The following HIP1R variants were observed in gnomAD, a reference collection of about 807,000 sequenced individuals.
The protein encoded by HIP1R is huntingtin interacting protein 1 related.
HIP1R carries 135 observed loss-of-function variants against 144.2 expected under a neutral mutation model. The ratio of observed to expected loss-of-function variants is 0.94; its 90% CI spans 0.81 to 1.08. HIP1R has a LOEUF of 1.08. Ranked by LOEUF, HIP1R falls within the 50% of genes least tolerant of loss-of-function variation. HIP1R has a pLI of 0.00. For synonymous variants in HIP1R, 698 were observed against 612.8 expected (o/e 1.14, Z -2.05); for missense variants, 1,462 against 1,432.8 (o/e 1.02, Z -0.33).
At chr12:122,854,738 C>T (rs762482385) in intron 8 of HIP1R, among the ~76,000 whole-genome samples, 167 bp from the exon 9 acceptor site, 2 of 152,142 alleles carry the variant, frequency 1.3e-5, no homozygotes, top group Non-Finnish European at 2.9e-5. Flanking sequence ...CTGAGCCCTC[C>T]CACAGCGTCT....
chr12:122,861,189 C>G lies in HIP1R; in HGVS notation c.2949C>G (p.Thr983=), dbSNP rs10847910. 0.94 allele frequency: 1,510,784 copies of G among 1,612,574 alleles called. 709,395 individuals are homozygous for G. The highest frequency in any genetic ancestry group is 0.99 in the East Asian group (44,358 of 44,710). ...AGCTGAAGAAGCAGGAGATGGAGAC[C>G]CAGGTAGGCGCCCATGGCTGCCCCG... The part of the protein sequence containing the change: ...LIKLKKQEME[T]QVRVLELEKT... Residue 983 remains threonine, a synonymous_variant, in exon 30 of 32, where the codon ACC becomes ACG. Coordinates refer to ENST00000253083, the MANE Select transcript of HIP1R (RefSeq NM_003959.3).
intron 18 of HIP1R, chr12:122,857,540 G>A: frequency 2.1e-6 from 1 of 479,288 alleles, no homozygotes; most frequent in Non-Finnish European, 3.8e-6. Context: ...GTGGGCCTTT[G>A]AGCACAAGTT....
At chr12:122,854,329 A>G in intron 8 of HIP1R, 146 bp downstream of exon 8, 1 of 438,842 alleles carries the variant, frequency 2.3e-6, no homozygotes, top group Non-Finnish European at 3.6e-6. Context: ...TAGAAATAAC[A>G]TATATTTTAT....
intron 1 of HIP1R, 48 bp from the exon 2 acceptor site, chr12:122,847,983 T>G (rs754913172): frequency 1.6e-5 from 25 of 1,593,698 alleles, no homozygotes; most frequent in Non-Finnish European, 2.1e-5. Context: ...TGGTGTCTCC[T>G]GGGGTGGCTG....
rs1227838491 is a variant in HIP1R at position 122,860,032 on chromosome 12, C to A, written c.2466-15C>A. 2 of 1,550,698 alleles carry A rather than the reference C, an allele frequency of 1.3e-6. No homozygotes were observed. The highest frequency in any genetic ancestry group is 4.5e-5 in the East Asian group (2 of 44,274). Reference sequence around the variant, plus strand: ...TCTGCAGAGCGGCAGCTAAGTCTCTCCTTCTCTCCCCCAGGATCCTCAACT... The same window carrying A: ...TCTGCAGAGCGGCAGCTAAGTCTCTACTTCTCTCCCCCAGGATCCTCAACT... On this transcript the variant is annotated splice_polypyrimidine_tract_variant and intron_variant, in intron 24 of 31. Coordinates refer to ENST00000253083, the MANE Select transcript of HIP1R (RefSeq NM_003959.3).
chr12:122,859,049 T>C lies in HIP1R; in HGVS notation c.2159-12T>C. The C allele has an allele frequency of 6.2e-7, 1 of 1,605,492 alleles. No individual in the cohort carries two copies. The highest frequency in any genetic ancestry group is 8.5e-7 in the Non-Finnish European group (1 of 1,176,462). ...TGGGGGGGGCTCCACTCACGGTCCT[T>C]TCTCACCCCAGGCCTCATAGACACC... is the stretch of plus-strand genomic sequence containing the variant. On this transcript the variant is annotated splice_polypyrimidine_tract_variant and intron_variant, in intron 21 of 31. Coordinates refer to ENST00000253083, the MANE Select transcript of HIP1R (RefSeq NM_003959.3).
chr12:122,858,828 A>G lies in HIP1R; in HGVS notation c.2051-10A>G. On this transcript the variant is annotated splice_polypyrimidine_tract_variant and intron_variant, in intron 20 of 31. Transcript: ENST00000253083. ...TCCTCCCCCAACCTTGGCCCCACCC[A>G]CCCGCACAGACGCCTCCGCCCTGGT... is the stretch of plus-strand genomic sequence containing the variant. 1 of 1,567,192 alleles carries G rather than the reference A, an allele frequency of 6.4e-7. No homozygotes were observed. Among genetic ancestry groups the G allele is most frequent in the Non-Finnish European group, 8.8e-7 (1 of 1,139,744 alleles).
intron 7 of HIP1R, among the ~76,000 whole-genome samples, chr12:122,852,346 G>C (rs1186191398): frequency 6.6e-6 from 1 of 152,204 alleles, no homozygotes; most frequent in Admixed American, 6.5e-5. Context: ...GTGTCCAAAG[G>C]TGTGGCCCCA....
At position 122,858,397 on chromosome 12, in the gene HIP1R, T is replaced by TGGA. The variant is rs1407818902; in HGVS notation, c.2018_2020dup (p.Glu673dup). ...GAGGCCTTGGATGCCGTGAGCACCC[T>TGGA]GGAGGAGGGCCACGCCCAGTACCTG... On this transcript the variant is annotated inframe_insertion, in exon 20 of 32. Transcript: ENST00000253083. 1.2e-6 allele frequency: 2 copies of TGGA among 1,611,004 alleles called. No homozygotes were observed. Among genetic ancestry groups the TGGA allele is most frequent in the East Asian group, 4.5e-5 (2 of 44,832 alleles).
chr12:122,844,248 C>T (rs1022775532), intron 1 of HIP1R, among the ~76,000 whole-genome samples: 4 of 152,210 alleles, frequency 2.6e-5, no homozygotes, highest in African/African-American at 7.2e-5. Context: ...AAGCCATTCT[C>T]AGCCTTCTAA....
At position 122,859,526 on chromosome 12, in the gene HIP1R, G is replaced by T; in HGVS notation, c.2396G>T (p.Arg799Leu). ...ATSAAIEDAV[R>L]RIEDMMNQAR... ...TCCGCAGCCATTGAAGATGCTGTGC[G>T]GAGGATTGAGGTGAGCACGGGATCT... is the stretch of plus-strand genomic sequence containing the variant. The change falls in exon 23 of 32, where the codon CGG becomes CTG. Residue 799 changes from arginine (R) to leucine (L), a missense_variant. Arg to Leu is a moderately radical substitution (Grantham distance 102). This residue lies in a region of HIP1R where 1,112 missense variants were observed against 1,011.7 expected (regional missense o/e 1.10). Transcript: ENST00000253083. The T allele has an allele frequency of 6.2e-7, 1 of 1,611,558 alleles. No individual in the cohort carries two copies. Among genetic ancestry groups the T allele is most frequent in the East Asian group, 2.2e-5 (1 of 44,874 alleles).
chr12:122,859,194 C>G lies in HIP1R; in HGVS notation c.2292C>G (p.Gly764=). The G allele has an allele frequency of 3.8e-6, 6 of 1,570,640 alleles. No individual in the cohort carries two copies. The highest frequency in any genetic ancestry group is 5.2e-6 in the Non-Finnish European group (6 of 1,158,592). ...RTPLQGILQL[G]QELKPKSLDV... is the part of the protein sequence containing the mutation. The stretch of plus-strand genomic sequence containing the variant: ...CCCTGCAGGGCATCCTTCAGCTGGG[C>G]CAGGTGAGGCACAGCTGAGTGTGGG... The change falls in exon 22 of 32, where the codon GGC becomes GGG. Residue 764 remains glycine, a synonymous_variant. Coordinates refer to ENST00000253083, the MANE Select transcript of HIP1R (RefSeq NM_003959.3).
intron 24 of HIP1R, 82 bp from the exon 25 acceptor site, chr12:122,859,965 G>T (rs560833677): frequency 1.3e-6 from 2 of 1,484,326 alleles, no homozygotes; most frequent in African/African-American, 1.4e-5. Context: ...CACCTGCTGA[G>T]CCCTGATGTG....
Position 122,859,411 on chromosome 12 carries a change from T to C in HIP1R, c.2296-15T>C, listed in dbSNP as rs371786319. 206 of 1,605,860 alleles carry C rather than the reference T, an allele frequency of 1.3e-4. 1 individual carries two copies. In the African/African-American group the frequency reaches 2.4e-3, roughly 19 times the overall value. On this transcript the variant is annotated splice_polypyrimidine_tract_variant and intron_variant, in intron 22 of 31. Coordinates refer to ENST00000253083, the MANE Select transcript of HIP1R (RefSeq NM_003959.3). ...GGGACGGAGGCTACCCCTGTCTGAC[T>C]CCCATCCTCACCAGGAACTGAAACC...
Position 122,835,569 on chromosome 12 carries a change from G to T in HIP1R, c.19G>T (p.Val7Leu). 7.4e-7 allele frequency: 1 copy of T among 1,350,998 alleles called. No individual in the cohort carries two copies. Among genetic ancestry groups the T allele is most frequent in the Non-Finnish European group, 9.6e-7 (1 of 1,043,258 alleles). 83.7% of individuals were successfully genotyped at this position (1,350,998 alleles called of 1,614,324 possible). A position where few individuals can be genotyped will look rare whatever the true frequency, so the allele number is the denominator to read the frequency against. ...CGGCAGGATGAACAGCATCAAGAAC[G>T]TGCCGGCGCGGGTGCTGAGCCGCAG... MNSIKN[V>L]PARVLSRRPG... is the part of the protein sequence containing the mutation. Residue 7 changes from valine (V) to leucine (L), a missense_variant, in exon 1 of 32, where the codon GTG becomes TTG. By Grantham distance (32) the Val-to-Leu change is conservative. This residue lies in a region of HIP1R where 350 missense variants were observed against 421.1 expected (regional missense o/e 0.83). Coordinates refer to ENST00000253083, the MANE Select transcript of HIP1R (RefSeq NM_003959.3).
rs2033572045 is a variant in HIP1R, at chr12:122,856,242, C to T, written c.1313-14C>T. 6.2e-7 allele frequency: 1 copy of T among 1,613,572 alleles called. No homozygotes were observed. Among genetic ancestry groups the T allele is most frequent in the Non-Finnish European group, 8.5e-7 (1 of 1,179,892 alleles). On this transcript the variant is annotated splice_polypyrimidine_tract_variant and intron_variant, in intron 14 of 31. Transcript: ENST00000253083. ...CCCCACACGGGGCATCACTGCCCCT[C>T]CTCTCGCCCCCAGGGAAGGCCAGTG...
rs778601872 is a variant in HIP1R at position 122,859,153 on chromosome 12, A to C, written c.2251A>C (p.Ser751Arg). The C allele has an allele frequency of 1.1e-5, 17 of 1,581,496 alleles. No homozygotes were observed. The highest frequency in any genetic ancestry group is 1.7e-4 in the Middle Eastern group (1 of 5,982). ...DQQALRHMQA[S>R]LVRTPLQGIL... ...GCAGGCTCTGCGGCACATGCAGGCC[A>C]GCCTGGTGCGGACACCCCTGCAGGG... Residue 751 changes from serine (S) to arginine (R), a missense_variant, in exon 22 of 32, where the codon AGC becomes CGC. This residue lies in a region of HIP1R where 1,112 missense variants were observed against 1,011.7 expected (regional missense o/e 1.10). Transcript: ENST00000253083.
rs561368898 is a variant in HIP1R, at chr12:122,849,158, C to T, written c.357+306C>T. Among the ~76,000 whole-genome samples, 3 of 152,350 alleles carry T rather than the reference C, an allele frequency of 2.0e-5. No individual in the cohort carries two copies. The East Asian group carries it at 5.8e-4, about 29-fold the overall frequency. Reference sequence around the variant, plus strand: ...GGTGGTTAGAGAGCCTGTGGCAGGGCGCAGGTTCCTGGGCTCCCCCAGACC... The same window carrying T: ...GGTGGTTAGAGAGCCTGTGGCAGGGTGCAGGTTCCTGGGCTCCCCCAGACC... On this transcript the variant is annotated intron_variant, in intron 4 of 31. Coordinates refer to ENST00000253083, the MANE Select transcript of HIP1R (RefSeq NM_003959.3).
In HIP1R at chr12:122,860,691, C is replaced by T; in HGVS notation, c.2673C>T (p.Asp891=). ...WGATQLVEAA[D]KVVLHTGKYE... ...CCTTGACCCGCAGGGAGGCAGCTGA[C>T]AAGGTGGTGCTTCACACGGGCAAGT... Residue 891 remains aspartate (D), a synonymous_variant, in exon 28 of 32, where the codon GAC becomes GAT. Transcript: ENST00000253083. 1 of 1,613,360 alleles carries T rather than the reference C, an allele frequency of 6.2e-7. No individual in the cohort carries two copies. The highest frequency in any genetic ancestry group is 8.5e-7 in the Non-Finnish European group (1 of 1,179,948).
Sources: gnomAD v4.1 joint callset for allele counts (sites outside exome capture counted in the v4.1 genomes callset) on GRCh38, gnomAD v4.1.1 for gene constraint, gnomAD v4.1.1 regional missense constraint, MANE v1.5 for transcripts, NCBI Gene and HGNC (gene_info 2026-07-23, HGNC 2026-07-21) for gene names.